The following NRG1 variants were observed in gnomAD, a reference collection of about 807,000 sequenced individuals.
The protein encoded by NRG1 is pro-neuregulin-1, membrane-bound isoform.
A neutral mutation model predicts 63.8 loss-of-function variants in NRG1; 18 were observed. The ratio of observed to expected loss-of-function variants is 0.28; its 90% CI spans 0.19 to 0.42. NRG1 has a LOEUF of 0.42. NRG1 is among the 10% of genes least tolerant of loss of function. The pLI is 1.00. For missense variants in NRG1, 762 were observed against 814.7 expected, an observed-to-expected ratio of 0.94 and a Z score of 0.79; for synonymous variants, 302 against 301.3, an observed-to-expected ratio of 1.00 and a Z score of -0.02.
intron 1 of NRG1, among the ~76,000 whole-genome samples, chr8:31,677,844 A>AT (rs1475037167): frequency 6.6e-6 from 1 of 151,978 alleles, no homozygotes; most frequent in African/African-American, 2.4e-5. Flanking sequence ...CCTTGCATTT[A>AT]TTTTTCCTGA....
At chr8:32,185,016 G>T (rs1585920818) in intron 1 of NRG1, among the ~76,000 whole-genome samples, 1 of 152,252 alleles carries the variant, frequency 6.6e-6, no homozygotes, top group Non-Finnish European at 1.5e-5. Flanking sequence ...GGAGACTTTT[G>T]TGTGTAAATG....
intron 1 of NRG1, among the ~76,000 whole-genome samples, chr8:32,413,805 T>C (rs551540353): frequency 1.3e-5 from 2 of 152,312 alleles, no homozygotes; most frequent in Admixed American, 6.5e-5. Context: ...ACATGATTTC[T>C]TATTAATCAG....
intron 1 of NRG1, among the ~76,000 whole-genome samples, chr8:31,785,309 G>T (rs777868677): frequency 2.6e-5 from 4 of 152,124 alleles, no homozygotes; most frequent in African/African-American, 4.8e-5. Context: ...GAGCATGGAT[G>T]TGTTTTCTGA....
At chr8:31,647,954 C>A (rs1327664895) in intron 1 of NRG1, among the ~76,000 whole-genome samples, 1 of 152,026 alleles carries the variant, frequency 6.6e-6, no homozygotes. Flanking sequence ...GTGTGCAGTT[C>A]AGTGGCATTA....
chr8:32,123,820 C>T (rs924007595), intron 1 of NRG1, among the ~76,000 whole-genome samples: 2 of 151,706 alleles, frequency 1.3e-5, no homozygotes, highest in African/African-American at 2.4e-5. Flanking sequence ...TTCATTCCCA[C>T]TAATTCTGGA....
At chr8:32,337,529 G>A (rs762935534) in intron 1 of NRG1, among the ~76,000 whole-genome samples, 1 of 151,558 alleles carries the variant, frequency 6.6e-6, no homozygotes, top group Non-Finnish European at 1.5e-5. Context: ...TTTGAATGGG[G>A]ACCACATACA....
intron 1 of NRG1, among the ~76,000 whole-genome samples, chr8:31,716,117 G>A (rs574841626): frequency 6.6e-6 from 1 of 152,282 alleles, no homozygotes; most frequent in African/African-American, 2.4e-5. Flanking sequence ...TACCCAATAT[G>A]TAATGATAGT....
At chr8:31,717,942 G>A (rs961835472) in intron 1 of NRG1, among the ~76,000 whole-genome samples, 1 of 152,110 alleles carries the variant, frequency 6.6e-6, no homozygotes. Context: ...TGTGATTAAT[G>A]CGTCTTTTAG....
intron 1 of NRG1, among the ~76,000 whole-genome samples, chr8:32,362,067 C>T (rs1010684050): frequency 4.6e-5 from 7 of 152,302 alleles, no homozygotes; most frequent in Admixed American, 2.0e-4. Flanking sequence ...GTTAGCTTCT[C>T]CCATTCCAGC....
intron 1 of NRG1, chr8:32,136,829 G>C (rs1387845116): frequency 6.6e-6 from 1 of 152,112 alleles, no homozygotes; most frequent in Non-Finnish European, 1.5e-5. Context: ...CACAACCAAA[G>C]TCTATATTCT....
chr8:31,815,278 A>G (rs1823326146), intron 1 of NRG1, among the ~76,000 whole-genome samples: 1 of 151,936 alleles, frequency 6.6e-6, no homozygotes, highest in East Asian at 1.9e-4. Context: ...GGGCACCACT[A>G]TTCTACTGTC....
intron 1 of NRG1, among the ~76,000 whole-genome samples, chr8:31,917,748 C>T (rs1039125934): frequency 6.6e-6 from 1 of 152,120 alleles, no homozygotes; most frequent in African/African-American, 2.4e-5. Context: ...TGAAGAAAGT[C>T]ATTGGTATCT....
chr8:32,244,194 G>A (rs190887194), intron 1 of NRG1, among the ~76,000 whole-genome samples: 1 of 152,158 alleles, frequency 6.6e-6, no homozygotes, highest in Non-Finnish European at 1.5e-5. Flanking sequence ...AAAACATATT[G>A]AAAAACGTAG....
intron 1 of NRG1, among the ~76,000 whole-genome samples, chr8:31,971,455 G>A (rs1422699215): frequency 6.6e-6 from 1 of 151,924 alleles, no homozygotes; most frequent in Non-Finnish European, 1.5e-5. Flanking sequence ...TAAGGTTTGA[G>A]AACAGACAGA....
At chr8:32,276,943 C>T (rs1421342611) in intron 1 of NRG1, among the ~76,000 whole-genome samples, 1 of 152,166 alleles carries the variant, frequency 6.6e-6, no homozygotes, top group Non-Finnish European at 1.5e-5. Context: ...CTCTGCTGCC[C>T]ACGTGGAAAC....
intron 1 of NRG1, among the ~76,000 whole-genome samples, chr8:32,151,617 C>G (rs1306865603): frequency 6.6e-6 from 1 of 152,046 alleles, no homozygotes; most frequent in Admixed American, 6.6e-5. Flanking sequence ...ATGTAAGTCT[C>G]TATACTTGCT....
At position 31,729,119 on chromosome 8, in the gene NRG1, G is replaced by A. The variant is rs540874981; in HGVS notation, c.37+89688G>A. Among the ~76,000 whole-genome samples, 3 of 152,214 alleles carry A rather than the reference G, an allele frequency of 2.0e-5. No homozygotes were observed. In the East Asian group the frequency reaches 5.8e-4, roughly 29 times the overall value. On this transcript the variant is annotated intron_variant, in intron 1 of 10. Transcript: ENST00000519301. ...ACAGATTATACATGGGAAAAATGGT[G>A]CCCAGGCAGTTTGCTTTCAGTGATA...
At chr8:32,224,165 G>C (rs1846094453) in intron 1 of NRG1, among the ~76,000 whole-genome samples, 1 of 152,210 alleles carries the variant, frequency 6.6e-6, no homozygotes, top group African/African-American at 2.4e-5. Flanking sequence ...GGAAGAGTCT[G>C]TGGAAGCAAT....
intron 1 of NRG1, among the ~76,000 whole-genome samples, chr8:31,900,304 G>A (rs1194747453): frequency 2.6e-5 from 4 of 152,118 alleles, no homozygotes; most frequent in Non-Finnish European, 5.9e-5. Flanking sequence ...ATCTGTGTCT[G>A]TAAAACTAAA....
Sources: allele counts gnomAD v4.1 joint callset (sites outside exome capture counted in the v4.1 genomes callset), GRCh38; gene constraint gnomAD v4.1.1; transcripts MANE v1.5; gene names NCBI Gene and HGNC (gene_info 2026-07-23, HGNC 2026-07-21).